ZNF804A: variants seen among roughly 807,000 people sequenced by gnomAD.
The protein encoded by ZNF804A is zinc finger protein 804A.
ZNF804A carries 2 observed loss-of-function variants against 16.5 expected under a neutral mutation model. The observed-to-expected ratio is 0.12, with a 90% CI of 0.05 to 0.38. The LOEUF (loss-of-function observed/expected upper bound fraction) is 0.38. Among genes scored for constraint, ZNF804A ranks in the 10% least tolerant of loss-of-function variants. The pLI, the probability that ZNF804A is intolerant of heterozygous loss-of-function variation, is 0.99. For missense variants in ZNF804A, 1,473 were observed against 1,390.7 expected (o/e 1.06, Z -0.94); for synonymous variants, 534 against 489.6 (o/e 1.09, Z -1.20).
chr2:184,837,954 A>AG (rs1289342567), intron 1 of ZNF804A, among the ~76,000 whole-genome samples: 1 of 152,106 alleles, frequency 6.6e-6, no homozygotes, highest in African/African-American at 2.4e-5. Flanking sequence ...GAGAAACAGC[A>AG]GGAAAAAAGG....
At chr2:184,625,315 A>AT (rs1691478898) in intron 1 of ZNF804A, among the ~76,000 whole-genome samples, 2 of 152,110 alleles carry the variant, frequency 1.3e-5, no homozygotes, top group Admixed American at 6.6e-5. Context: ...GCATTTTATT[A>AT]TTGCTTTCTT....
chr2:184,895,660 A>G (rs1251256079), intron 2 of ZNF804A, among the ~76,000 whole-genome samples: 1 of 152,250 alleles, frequency 6.6e-6, no homozygotes, highest in African/African-American at 2.4e-5. Flanking sequence ...ATGATTCTGA[A>G]CTAAGAGAAG....
intron 1 of ZNF804A, among the ~76,000 whole-genome samples, chr2:184,655,139 C>T (rs888064616): frequency 6.6e-6 from 1 of 152,126 alleles, no homozygotes. Flanking sequence ...ATATGATTCC[C>T]ACCATTGGAA....
chr2:184,623,724 A>G (rs1242595902), intron 1 of ZNF804A, among the ~76,000 whole-genome samples: 2 of 152,142 alleles, frequency 1.3e-5, no homozygotes, highest in Non-Finnish European at 2.9e-5. Flanking sequence ...ACTGACCACA[A>G]TCTTTAAAAA....
At chr2:184,894,097 T>C (rs568221981) in intron 2 of ZNF804A, among the ~76,000 whole-genome samples, 124 of 152,222 alleles carry the variant, frequency 8.1e-4, no homozygotes, top group African/African-American at 2.9e-3. Context: ...TACAAGAAGA[T>C]CATGTTTTGA....
At chr2:184,788,796 C>T (rs937664190) in intron 1 of ZNF804A, among the ~76,000 whole-genome samples, 1 of 151,948 alleles carries the variant, frequency 6.6e-6, no homozygotes, top group African/African-American at 2.4e-5. Flanking sequence ...ATTTCACATC[C>T]TATTTTCCAA....
rs116099333 is a variant in ZNF804A at position 184,704,237 on chromosome 2, C to T, written c.111+105167C>T. Among the ~76,000 whole-genome samples the T allele has an allele frequency of 3.1e-3, 466 of 151,936 alleles. 1 individual carries two copies. The highest frequency in any genetic ancestry group is 0.011 in the African/African-American group (441 of 41,446). On this transcript the variant is annotated intron_variant, in intron 1 of 3. Coordinates refer to ENST00000302277, the MANE Select transcript of ZNF804A (RefSeq NM_194250.2). ...CGCCATCTCTACTCACGGCAACCCC[C>T]GCCTCCCGAGATCAAGCAATTCAAC...
intron 1 of ZNF804A, among the ~76,000 whole-genome samples, chr2:184,836,162 G>A (rs998619775): frequency 6.6e-6 from 1 of 152,088 alleles, no homozygotes; most frequent in Non-Finnish European, 1.5e-5. Flanking sequence ...TTGGCACATG[G>A]TAGTTGCTTT....
At chr2:184,782,170 T>A (rs1446042596) in intron 1 of ZNF804A, among the ~76,000 whole-genome samples, 1 of 151,710 alleles carries the variant, frequency 6.6e-6, no homozygotes, top group Non-Finnish European at 1.5e-5. Context: ...CTTCAACATA[T>A]GAATTTTGTT....
intron 1 of ZNF804A, among the ~76,000 whole-genome samples, chr2:184,670,346 C>G (rs1466935277): frequency 6.6e-6 from 1 of 151,952 alleles, no homozygotes; most frequent in Non-Finnish European, 1.5e-5. Flanking sequence ...TCACTTTTCC[C>G]TAAAAAATAG....
chr2:184,819,392 T>C lies in ZNF804A; in HGVS notation c.112-46977T>C, dbSNP rs189562389. ...CTAGTGAGAACAAAGAGGCAGTATA[T>C]CAGAATCTCTGGGACACAGCTAAAG... is the stretch of plus-strand genomic sequence containing the variant. On this transcript the variant is annotated intron_variant, in intron 1 of 3. Coordinates refer to ENST00000302277, the MANE Select transcript of ZNF804A (RefSeq NM_194250.2). Among the ~76,000 whole-genome samples, 32 of 151,800 alleles carry C rather than the reference T, an allele frequency of 2.1e-4. 1 individual carries two copies. Among genetic ancestry groups the C allele is most frequent in the Admixed American group, 2.0e-3 (30 of 15,190 alleles).
At chr2:184,619,728 G>A (rs1478669046) in intron 1 of ZNF804A, among the ~76,000 whole-genome samples, 2 of 151,784 alleles carry the variant, frequency 1.3e-5, no homozygotes, top group African/African-American at 2.4e-5. Context: ...GACTAATTTT[G>A]ACTTAGGTTG....
chr2:184,696,525 C>A (rs1692833963), intron 1 of ZNF804A, among the ~76,000 whole-genome samples: 2 of 152,046 alleles, frequency 1.3e-5, no homozygotes, highest in Admixed American at 1.3e-4. Flanking sequence ...TCTGGGAATG[C>A]CACCTTACAC....
At chr2:184,902,543 G>C (rs1265250475) in intron 2 of ZNF804A, 1 of 152,124 alleles carries the variant, frequency 6.6e-6, no homozygotes, top group Non-Finnish European at 1.5e-5. Context: ...GGGAGGACCA[G>C]GAGCCTCTTT....
intron 1 of ZNF804A, among the ~76,000 whole-genome samples, chr2:184,667,118 A>G (rs1430521570): frequency 6.6e-6 from 1 of 151,958 alleles, no homozygotes; most frequent in African/African-American, 2.4e-5. Flanking sequence ...AGAAACTTAA[A>G]AGAGTTTGAC....
chr2:184,887,632 C>T (rs1019474003), intron 2 of ZNF804A, among the ~76,000 whole-genome samples: 2 of 152,104 alleles, frequency 1.3e-5, no homozygotes, highest in African/African-American at 4.8e-5. Flanking sequence ...ATGGTGGTAG[C>T]AAGAGAAAAC....
At chr2:184,715,752 C>T (rs963038849) in intron 1 of ZNF804A, among the ~76,000 whole-genome samples, 1 of 152,018 alleles carries the variant, frequency 6.6e-6, no homozygotes, top group Non-Finnish European at 1.5e-5. Flanking sequence ...TTAAATATTT[C>T]TATAACTTTA....
At chr2:184,880,478 T>A (rs1485623050) in intron 2 of ZNF804A, among the ~76,000 whole-genome samples, 2 of 151,960 alleles carry the variant, frequency 1.3e-5, no homozygotes, top group Non-Finnish European at 1.5e-5. Context: ...TAAAAAAAAA[T>A]TAGACTTGGG....
At chr2:184,894,971 T>C (rs1260842249) in intron 2 of ZNF804A, among the ~76,000 whole-genome samples, 2 of 152,170 alleles carry the variant, frequency 1.3e-5, no homozygotes, top group Admixed American at 1.3e-4. Context: ...AAGATATACG[T>C]AAAAATAGAA....
Sources: allele counts gnomAD v4.1 joint callset (sites outside exome capture counted in the v4.1 genomes callset), GRCh38; gene constraint gnomAD v4.1.1; transcripts MANE v1.5; gene names NCBI Gene and HGNC (gene_info 2026-07-23, HGNC 2026-07-21).